Variants in COL9A2 observed in about 807,000 individuals in gnomAD.
The protein encoded by COL9A2 is collagen alpha-2(IX) chain.
COL9A2 carries 66 observed loss-of-function variants against 111.6 expected under a neutral mutation model. The observed-to-expected ratio is 0.59, with a 90% CI of 0.48 to 0.73. The LOEUF is 0.73. Among genes scored for constraint, COL9A2 ranks in the 30% least tolerant of loss-of-function variants. COL9A2 has a pLI of 0.00. For synonymous variants in COL9A2, 353 were observed against 364.1 expected, an observed-to-expected ratio of 0.97 and a Z score of 0.35; for missense variants, 881 against 954.1, an observed-to-expected ratio of 0.92 and a Z score of 1.01.
At position 40,307,760 on chromosome 1, in the gene COL9A2, C is replaced by T; in HGVS notation, c.901-4G>A. The T allele has an allele frequency of 6.2e-7, 1 of 1,614,106 alleles. No individual in the cohort carries two copies. The highest frequency in any genetic ancestry group is 8.5e-7 in the Non-Finnish European group (1 of 1,179,968). On this transcript the variant is annotated splice_region_variant and splice_polypyrimidine_tract_variant and intron_variant, in intron 17 of 31. Transcript: ENST00000372748. The surrounding 1 kb of genome is among the most constrained non-coding windows in gnomAD (Gnocchi z 4.8). ...TGCCGTTGATGCCTGGGGGGCCCTA[C>T]CCAGGAGGAAAGTTCAAGGGAGAGT...
chr1:40,303,282 CTG>C lies in COL9A2; in HGVS notation c.1549-99_1549-98del, dbSNP rs1643945105. The C allele has an allele frequency of 7.7e-7, 1 of 1,306,010 alleles. No individual in the cohort carries two copies. The highest frequency in any genetic ancestry group is 1.5e-5 in the African/African-American group (1 of 68,258). The allele number at this position is 1,306,010 out of a possible 1,614,324, so 80.9% of individuals were successfully genotyped here. On this transcript the variant is annotated intron_variant, in intron 28 of 31. Transcript: ENST00000372748. The surrounding 1 kb of genome is among the most constrained non-coding windows in gnomAD (Gnocchi z 4.6). The stretch of plus-strand genomic sequence containing the variant: ...GCGTGAGGCCGCCATGGAGGAGACT[CTG>C]GTGTTGAGTCATTAATTCCCAAGCT...
At position 40,310,716 on chromosome 1, in the gene COL9A2, G is replaced by A. The variant is rs370064150; in HGVS notation, c.682C>T (p.Pro228Ser). ...CACTGAGGCAAGGTGTTCCTTACCG[G>A]TGGTCCAGGGATGCCTTGCTCTCCA... The part of the protein sequence containing the change: ...ASGEQGIPGP[P>S]GPQGIRGYPG... Residue 228 changes from proline to serine, a missense_variant and splice_region_variant, in exon 13 of 32, where the codon CCG becomes TCG. Transcript: ENST00000372748. The surrounding 1 kb of genome is among the most constrained non-coding windows in gnomAD (Gnocchi z 4.9). 4.6e-5 allele frequency: 72 copies of A among 1,567,114 alleles called. 2 individuals carry two copies. Among genetic ancestry groups the A allele is most frequent in the Admixed American group, 3.0e-4 (16 of 53,740 alleles).
chr1:40,305,057 CTTTCTTTTTTTTTTTTTTT>C (rs1390181329), intron 21 of COL9A2: 10 of 278,406 alleles, frequency 3.6e-5, no homozygotes, highest in South Asian at 1.6e-4. Context: ...TCATTTCTTT[CTTTCTTTTTTTTTTTTTTT>C]TTTTTTTTTG....
chr1:40,304,334 C>T lies in COL9A2; in HGVS notation c.1273G>A (p.Val425Ile), dbSNP rs148912050. The change falls in exon 24 of 32, where the codon GTC becomes ATC. Residue 425 changes from valine (V) to isoleucine (I), a missense_variant. Physicochemically the swap from Val to Ile is conservative, Grantham distance 29 (BLOSUM62 3). Transcript: ENST00000372748. ...CCATCTGGCACCTTGTCTCCTTTGA[C>T]GCCTGGCAAGCCTTGGGGCCCTGGA... is the stretch of plus-strand genomic sequence containing the variant. ...GIPGPQGLPG[V>I]KGDKGSPGKT... 8.9e-6 allele frequency: 14 copies of T among 1,565,322 alleles called. No individual in the cohort carries two copies. The highest frequency in any genetic ancestry group is 1.7e-4 in the Middle Eastern group (1 of 6,022).
chr1:40,305,796 C>G (rs1644020605), intron 20 of COL9A2, 28 bp from the exon 21 acceptor site: 2 of 1,611,676 alleles, frequency 1.2e-6, no homozygotes, highest in East Asian at 4.5e-5. Context: ...TCAGGTCAGT[C>G]TGGGTGGCCC....
chr1:40,316,418 G>A lies in COL9A2; in HGVS notation c.75+705C>T, dbSNP rs532542808. On this transcript the variant is annotated intron_variant, in intron 1 of 31. Transcript: ENST00000372748. The surrounding 1 kb of genome is among the most constrained non-coding windows in gnomAD (Gnocchi z 5.5). ...TGGGTGGGTGTGAGGTTTCAGGGAG[G>A]TCACAAGTCATATCAAGATGAGGCG... Among the ~76,000 whole-genome samples the A allele has an allele frequency of 2.6e-4, 40 of 152,290 alleles. No homozygotes were observed. The highest frequency in any genetic ancestry group is 2.5e-3 in the Admixed American group (38 of 15,306).
At chr1:40,309,183 G>A (rs1171009739) in intron 16 of COL9A2, among the ~76,000 whole-genome samples, 1 of 152,102 alleles carries the variant, frequency 6.6e-6, no homozygotes, top group Non-Finnish European at 1.5e-5. Flanking sequence ...GGAGGTTGCA[G>A]TGAGCCGAGA....
At chr1:40,315,529 TCA>T (rs1644205174) in intron 2 of COL9A2, 59 bp downstream of exon 2, 2 of 1,415,838 alleles carry the variant, frequency 1.4e-6, no homozygotes, top group African/African-American at 1.4e-5. Context: ...ACCACAGCGC[TCA>T]CAAAGTTCTC....
At position 40,306,185 on chromosome 1, in the gene COL9A2, A is replaced by G. The variant is rs899548532; in HGVS notation, c.1011T>C (p.Gly337=). The change falls in exon 20 of 32, where the codon GGT becomes GGC. Residue 337 remains glycine (G), a splice_region_variant and synonymous_variant. Coordinates refer to ENST00000372748, the MANE Select transcript of COL9A2 (RefSeq NM_001852.4). Reference sequence around the variant, plus strand: ...CTTTTGTCCCAGGCTGGCCTGGCACACCCTGCAGAAAGAAGTTGAAGTCAG... The same window carrying G: ...CTTTTGTCCCAGGCTGGCCTGGCACGCCCTGCAGAAAGAAGTTGAAGTCAG... The part of the protein sequence containing the change: ...PGSPGHQGLA[G]VPGQPGTKGG... 17 of 1,614,054 alleles carry G rather than the reference A, an allele frequency of 1.1e-5. No homozygotes were observed. The highest frequency in any genetic ancestry group is 1.7e-5 in the Admixed American group (1 of 59,998).
At chr1:40,308,080 G>T in intron 17 of COL9A2, 112 bp downstream of exon 17, 1 of 1,071,758 alleles carries the variant, frequency 9.3e-7, no homozygotes, top group Non-Finnish European at 1.4e-6. Context: ...TATGGAGCCA[G>T]CCCACCAGTT....
rs1557792898 is a variant in COL9A2, at chr1:40,303,722, CG to C, written c.1402-47del. Reference sequence around the variant, plus strand: ...GAGCAGAGCCGGGTGAGAAGGCGCCCGGGTGGGCGAGAGTGGGGGGTGGGGG... The same window carrying C: ...GAGCAGAGCCGGGTGAGAAGGCGCCCGGTGGGCGAGAGTGGGGGGTGGGGG... On this transcript the variant is annotated intron_variant, in intron 27 of 31. Coordinates refer to ENST00000372748, the MANE Select transcript of COL9A2 (RefSeq NM_001852.4). This position sits in a 1 kb window ranked among gnomAD's most constrained non-coding sequence, Gnocchi z 4.6. The C allele has an allele frequency of 1.6e-5, 13 of 809,924 alleles. No homozygotes were observed. The highest frequency in any genetic ancestry group is 2.3e-5 in the Non-Finnish European group (13 of 577,548). 50.2% of individuals were successfully genotyped at this position (809,924 alleles called of 1,614,324 possible).
At chr1:40,315,413 G>C in intron 2 of COL9A2, 177 bp downstream of exon 2, 1 of 1,428,518 alleles carries the variant, frequency 7.0e-7, no homozygotes. Context: ...GTCAGGGCTG[G>C]TTTGAGGTTT....
At position 40,310,797 on chromosome 1, in the gene COL9A2, G is replaced by T. The variant is rs1388803248; in HGVS notation, c.631-30C>A. 1.9e-6 allele frequency: 3 copies of T among 1,540,666 alleles called. No individual in the cohort carries two copies. In the South Asian group the frequency reaches 3.6e-5, roughly 18 times the overall value. On this transcript the variant is annotated intron_variant, in intron 12 of 31. Transcript: ENST00000372748. This position sits in a 1 kb window ranked among gnomAD's most constrained non-coding sequence, Gnocchi z 4.9. ...AGGGCAGGGATGAGCTGTCAGACAG[G>T]CAGGCAGATGGAAAGACACATATAC...
rs1643938058 is a variant in COL9A2, at chr1:40,302,929, C to T, written c.1604-120G>A. On this transcript the variant is annotated intron_variant, in intron 29 of 31. Transcript: ENST00000372748. This position sits in a 1 kb window ranked among gnomAD's most constrained non-coding sequence, Gnocchi z 4.5. ...CCCTAGGTTTGCAGACAGAAAAGCACCACCTTCCGTGGGCTCTGTTTTGCG... is the reference window on the plus strand; with the variant it reads ...CCCTAGGTTTGCAGACAGAAAAGCATCACCTTCCGTGGGCTCTGTTTTGCG... 1.7e-6 allele frequency: 2 copies of T among 1,188,878 alleles called. No homozygotes were observed. The highest frequency in any genetic ancestry group is 1.2e-6 in the Non-Finnish European group (1 of 832,130). 73.6% of individuals were successfully genotyped at this position (1,188,878 alleles called of 1,614,324 possible).
Position 40,302,829 on chromosome 1 carries a change from G to C in COL9A2, c.1604-20C>G. The C allele has an allele frequency of 6.0e-6, 3 of 501,096 alleles. No homozygotes were observed. The highest frequency in any genetic ancestry group is 1.6e-5 in the South Asian group (1 of 64,042). 31.0% of individuals were successfully genotyped at this position (501,096 alleles called of 1,614,324 possible). A position where few individuals can be genotyped will look rare whatever the true frequency, so the allele number is the denominator to read the frequency against. ...GTTGCTCTGGAGGGAGGGAGGGAGGGAGGGAGAGGGAAGTCTATGAGATGG... is the reference window on the plus strand; with the variant it reads ...GTTGCTCTGGAGGGAGGGAGGGAGGCAGGGAGAGGGAAGTCTATGAGATGG... On this transcript the variant is annotated intron_variant, in intron 29 of 31. Coordinates refer to ENST00000372748, the MANE Select transcript of COL9A2 (RefSeq NM_001852.4). This position sits in a 1 kb window ranked among gnomAD's most constrained non-coding sequence, Gnocchi z 4.5.
chr1:40,311,591 G>T lies in COL9A2; in HGVS notation c.472-44C>A. 6.2e-7 allele frequency: 1 copy of T among 1,613,562 alleles called. No homozygotes were observed. The highest frequency in any genetic ancestry group is 1.3e-5 in the African/African-American group (1 of 74,910). On this transcript the variant is annotated intron_variant, in intron 9 of 31. Coordinates refer to ENST00000372748, the MANE Select transcript of COL9A2 (RefSeq NM_001852.4). The surrounding 1 kb of genome is among the most constrained non-coding windows in gnomAD (Gnocchi z 5.1). ...ATGGAGCTTGGCCTGACCCTTTCCC[G>T]CCGCAGGCTTGCTCAAAGACCCTTC...
Position 40,302,884 on chromosome 1 carries a change from G to A in COL9A2, c.1604-75C>T, listed in dbSNP as rs1643937256. ...CAGCAGTAACACTAGGGGAGGCAGA[G>A]CATTCCGATGGGCCCTGGCCCCTAG... On this transcript the variant is annotated intron_variant, in intron 29 of 31. Coordinates refer to ENST00000372748, the MANE Select transcript of COL9A2 (RefSeq NM_001852.4). The surrounding 1 kb of genome is among the most constrained non-coding windows in gnomAD (Gnocchi z 4.5). 5.7e-6 allele frequency: 8 copies of A among 1,412,678 alleles called. No individual in the cohort carries two copies. In the East Asian group the frequency reaches 1.7e-4, roughly 31 times the overall value. The allele number at this position is 1,412,678 out of a possible 1,614,324, so 87.5% of individuals were successfully genotyped here.
rs963222919 is a variant in COL9A2 at position 40,314,903 on chromosome 1, C to T, written c.151-516G>A. ...AGGAGGGAAGGACCTCCTTCCAGTG[C>T]CAAAGGACCCTTGGTGGTGGGCAGG... On this transcript the variant is annotated intron_variant, in intron 2 of 31. Transcript: ENST00000372748. The surrounding 1 kb of genome is among the most constrained non-coding windows in gnomAD (Gnocchi z 4.1). Among the ~76,000 whole-genome samples the T allele has an allele frequency of 6.6e-6, 1 of 152,114 alleles. No homozygotes were observed. Among genetic ancestry groups the T allele is most frequent in the Non-Finnish European group, 1.5e-5 (1 of 68,004 alleles).
At position 40,310,323 on chromosome 1, in the gene COL9A2, G is replaced by A. The variant is rs758791949; in HGVS notation, c.685-6C>T. The A allele has an allele frequency of 1.9e-6, 3 of 1,613,944 alleles. No individual in the cohort carries two copies. Among genetic ancestry groups the A allele is most frequent in the Non-Finnish European group, 2.5e-6 (3 of 1,179,980 alleles). ...CCCCTGATGCCCTGGGGACCCTGTT[G>A]AGAAAGAAAAATGACAGCAATGGCA... On this transcript the variant is annotated splice_polypyrimidine_tract_variant and splice_region_variant and intron_variant, in intron 13 of 31. Coordinates refer to ENST00000372748, the MANE Select transcript of COL9A2 (RefSeq NM_001852.4). This position sits in a 1 kb window ranked among gnomAD's most constrained non-coding sequence, Gnocchi z 4.9.
Sources: gnomAD v4.1 joint callset for allele counts (sites outside exome capture counted in the v4.1 genomes callset) on GRCh38, gnomAD v4.1.1 for gene constraint, Gnocchi (gnomAD v3.1) non-coding constraint, MANE v1.5 for transcripts, NCBI Gene and HGNC (gene_info 2026-07-23, HGNC 2026-07-21) for gene names.